The following WNT5B variants were observed in gnomAD, a reference collection of about 807,000 sequenced individuals.
WNT5B encodes the protein Wnt family member 5B, also known as protein Wnt-5b.
Under a neutral mutation model 36.5 loss-of-function variants are expected in WNT5B, and 18 were observed. The ratio of observed to expected loss-of-function variants is 0.49; its 90% CI spans 0.34 to 0.73. The LOEUF (loss-of-function observed/expected upper bound fraction) is 0.73, where lower values mean the gene tolerates loss of function less well. Among genes scored for constraint, WNT5B ranks in the 30% least tolerant of loss-of-function variants. The pLI is 0.01. For missense variants in WNT5B, 424 were observed against 508.4 expected (o/e 0.83, Z 1.60); for synonymous variants, 213 against 212.3 (o/e 1.00, Z -0.03).
chr12:1,631,890 G>A (rs562428256), intron 2 of WNT5B, among the ~76,000 whole-genome samples: 1 of 152,176 alleles, frequency 6.6e-6, no homozygotes, highest in Non-Finnish European at 1.5e-5. Flanking sequence ...TGTTGTCATT[G>A]CCAAGTTGAC....
At chr12:1,642,260 G>A (rs765385642) in intron 4 of WNT5B, among the ~76,000 whole-genome samples, 8 of 152,178 alleles carry the variant, frequency 5.3e-5, no homozygotes, top group Non-Finnish European at 1.2e-4. Context: ...GGCCTGAGGA[G>A]TAGAGATGTC....
chr12:1,639,573 AG>A (rs2094569812), intron 3 of WNT5B, 110 bp from the exon 4 acceptor site: 2 of 1,230,066 alleles, frequency 1.6e-6, no homozygotes, highest in Non-Finnish European at 1.1e-6. Context: ...CCCCTGCCCC[AG>A]GGGTGTCAGC....
upstream of WNT5B, among the ~76,000 whole-genome samples, chr12:1,626,834 G>C (rs533432685): frequency 3.3e-5 from 5 of 152,004 alleles, no homozygotes; most frequent in Non-Finnish European, 4.4e-5. Flanking sequence ...CAAAGTGCTG[G>C]GGTTACAGTT....
At chr12:1,642,334 T>C (rs2154439837) in intron 4 of WNT5B, among the ~76,000 whole-genome samples, 1 of 152,296 alleles carries the variant, frequency 6.6e-6, no homozygotes, top group East Asian at 1.9e-4. Context: ...GTTTTTGAAA[T>C]CTTAGTTGAA....
At position 1,645,936 on chromosome 12, in the gene WNT5B, T is replaced by A. The variant is rs2094584581; in HGVS notation, c.764T>A (p.Met255Lys). 1 of 1,610,128 alleles carries A rather than the reference T, an allele frequency of 6.2e-7. No homozygotes were observed. The highest frequency in any genetic ancestry group is 1.3e-5 in the African/African-American group (1 of 74,946). ...GAGAAGTACGACAGCGCGGCCGCCA[T>A]GCGCGTCACCCGCAAGGGCCGGCTG... ...LKEKYDSAAA[M>K]RVTRKGRLEL... Residue 255 changes from methionine to lysine, a missense_variant, in exon 5 of 5, where the codon ATG becomes AAG. Met to Lys is a moderately conservative substitution (Grantham distance 95). Transcript: ENST00000397196.
chr12:1,631,584 C>G, intron 2 of WNT5B, 150 bp downstream of exon 2: 2 of 1,260,052 alleles, frequency 1.6e-6, no homozygotes, highest in South Asian at 1.5e-5. Flanking sequence ...TAAGAACGCT[C>G]TGTGTCTCTC....
Position 1,632,186 on chromosome 12 carries a change from T to C in WNT5B, c.81-472T>C, listed in dbSNP as rs2094552224. 6.6e-6 allele frequency among the ~76,000 whole-genome samples: 1 copy of C among 152,224 alleles called. No homozygotes were observed. Among genetic ancestry groups the C allele is most frequent in the African/African-American group, 2.4e-5 (1 of 41,460 alleles). On this transcript the variant is annotated intron_variant, in intron 2 of 4. Transcript: ENST00000397196. The surrounding 1 kb of genome is among the most constrained non-coding windows in gnomAD (Gnocchi z 5.8). Reference sequence around the variant, plus strand: ...ATTGATTGCTTTCCATGGCTTATCATGTACTTGGGCTGCACTGAACTAGTC... The same window carrying C: ...ATTGATTGCTTTCCATGGCTTATCACGTACTTGGGCTGCACTGAACTAGTC...
chr12:1,640,078 C>A, intron 4 of WNT5B, 102 bp downstream of exon 4: 1 of 1,375,822 alleles, frequency 7.3e-7, no homozygotes. Context: ...ACGGGTTAGT[C>A]TGACCGTGAA....
intron 3 of WNT5B, among the ~76,000 whole-genome samples, chr12:1,636,497 CTATATATATATATATATATATATATATA>C (rs56095993): frequency 8.8e-4 from 71 of 81,122 alleles, no homozygotes; most frequent in African/African-American, 2.1e-3. Context: ...GTGTTGCAGT[CTATATATATATATATATATATATATATA>C]TATATATATA....
chr12:1,623,187 GT>G lies in WNT5B; in HGVS notation c.-58+6070del, dbSNP rs771500550. Among the ~76,000 whole-genome samples, 205 of 58,352 alleles carry G rather than the reference GT, an allele frequency of 3.5e-3. 1 individual carries two copies. The highest frequency in any genetic ancestry group is 5.7e-3 in the African/African-American group (79 of 13,886). 38.3% of individuals were successfully genotyped at this position (58,352 alleles called of 152,430 possible). ...GGAAACCTTTGAAGGGTTTTTTGTTGTTTTTTTTTTTTTTTTTTTTTTTTTT... is the reference window on the plus strand; with the variant it reads ...GGAAACCTTTGAAGGGTTTTTTGTTGTTTTTTTTTTTTTTTTTTTTTTTTT... On this transcript the variant is annotated intron_variant, in intron 1 of 4. Coordinates refer to the WNT5B transcript ENST00000310594.
Position 1,639,912 on chromosome 12 carries a change from C to CCAAAGGAT in WNT5B, c.560_567dup (p.Glu190LysfsTer11). On this transcript the variant is annotated frameshift_variant, in exon 4 of 5. Coordinates refer to ENST00000397196, the MANE Select transcript of WNT5B (RefSeq NM_032642.3). LOFTEE classifies it high-confidence loss of function. ...GCCCGGGAGCGAGAGAAGAACTTTG[C>CCAAAGGAT]CAAAGGATCAGAGGAGCAGGGCCGG... The CCAAAGGAT allele has an allele frequency of 6.2e-7, 1 of 1,614,044 alleles. No homozygotes were observed.
intron 1 of WNT5B, among the ~76,000 whole-genome samples, chr12:1,622,263 A>T (rs560475026): frequency 1.3e-5 from 2 of 151,960 alleles, no homozygotes; most frequent in African/African-American, 2.4e-5. Context: ...GGCGCCCGCC[A>T]CCACGCCCGG....
At chr12:1,619,789 G>A (rs747016326) in intron 1 of WNT5B, among the ~76,000 whole-genome samples, 9 of 152,106 alleles carry the variant, frequency 5.9e-5, no homozygotes, top group South Asian at 2.1e-4. Context: ...CTGGCACTGC[G>A]AGAGCAATAC....
At chr12:1,622,576 G>A (rs1360237300) in intron 1 of WNT5B, among the ~76,000 whole-genome samples, 1 of 152,218 alleles carries the variant, frequency 6.6e-6, no homozygotes, top group African/African-American at 2.4e-5. Context: ...GGACCAAGTT[G>A]TATGGAAGTC....
chr12:1,631,232 C>T (rs908833580), intron 1 of WNT5B, 66 bp from the exon 2 acceptor site: 1 of 1,449,406 alleles, frequency 6.9e-7, no homozygotes, highest in Non-Finnish European at 9.3e-7. Context: ...TCCGCCTCAC[C>T]CCGGCTCCTG....
upstream of WNT5B, among the ~76,000 whole-genome samples, chr12:1,627,488 G>A (rs927872099): frequency 3.9e-5 from 6 of 152,224 alleles, no homozygotes; most frequent in African/African-American, 1.2e-4. This position sits in a 1 kb window ranked among gnomAD's most constrained non-coding sequence, Gnocchi z 5.0. Context: ...ATGGTGGAAA[G>A]CACAGAGTTG....
chr12:1,646,408 G>A lies in WNT5B; in HGVS notation c.*156G>A, dbSNP rs910698286. 58 of 623,748 alleles carry A rather than the reference G, an allele frequency of 9.3e-5. No homozygotes were observed. Among genetic ancestry groups the A allele is most frequent in the Admixed American group, 1.2e-4 (3 of 25,132 alleles). 38.6% of individuals were successfully genotyped at this position (623,748 alleles called of 1,614,324 possible). On this transcript the variant is annotated 3_prime_UTR_variant, in exon 5 of 5. Coordinates refer to ENST00000397196, the MANE Select transcript of WNT5B (RefSeq NM_032642.3). The stretch of plus-strand genomic sequence containing the variant: ...GAAAGGAAGAGCTTATTTAAGAGAC[G>A]CTGGAGATCTCTGAGGAGTGGACTT...
intron 1 of WNT5B, among the ~76,000 whole-genome samples, chr12:1,623,557 C>T (rs1311123135): frequency 6.6e-6 from 1 of 152,066 alleles, no homozygotes; most frequent in African/African-American, 2.4e-5. Context: ...CAGAGCTCCT[C>T]GATCGCTATA....
chr12:1,618,638 G>C lies in WNT5B; in HGVS notation c.-58+1495G>C, dbSNP rs114221085. Among the ~76,000 whole-genome samples the C allele has an allele frequency of 3.7e-3, 568 of 152,300 alleles. 3 individuals carry two copies. The highest frequency in any genetic ancestry group is 0.013 in the African/African-American group (541 of 41,560). ...AAAACTATTTTATTAGTATTCAGGA[G>C]AAGGGAACTTCCTCTTTCTTATCAT... On this transcript the variant is annotated intron_variant, in intron 1 of 4. Transcript: ENST00000310594. This position sits in a 1 kb window ranked among gnomAD's most constrained non-coding sequence, Gnocchi z 4.1.
Sources: allele counts gnomAD v4.1 joint callset (sites outside exome capture counted in the v4.1 genomes callset), GRCh38; gene constraint gnomAD v4.1.1; non-coding constraint Gnocchi (gnomAD v3.1); transcripts MANE v1.5; gene names NCBI Gene and HGNC (gene_info 2026-07-23, HGNC 2026-07-21).